Variants in PLEKHM3 observed in about 807,000 individuals in gnomAD.
The protein encoded by PLEKHM3 is pleckstrin homology domain containing M3.
Under a neutral mutation model 81.8 loss-of-function variants are expected in PLEKHM3, and 45 were observed. The observed-to-expected ratio is 0.55, with a 90% CI of 0.43 to 0.71. PLEKHM3 has a LOEUF of 0.71. Ranked by LOEUF, PLEKHM3 falls within the 30% of genes least tolerant of loss-of-function variation. The probability of loss-of-function intolerance (pLI) is 0.00; values close to 1 mark genes in which losing one functional copy is unlikely to be tolerated. For missense variants in PLEKHM3, 788 were observed against 924.3 expected (o/e 0.85, Z 1.91); for synonymous variants, 352 against 356.4 (o/e 0.99, Z 0.14).
intron 7 of PLEKHM3, among the ~76,000 whole-genome samples, chr2:207,835,789 C>T (rs967672128): frequency 6.6e-6 from 1 of 152,184 alleles, no homozygotes; most frequent in Non-Finnish European, 1.5e-5. Context: ...ATTAAGGGTT[C>T]CTTTTTTAGC....
chr2:207,824,818 A>G lies in PLEKHM3; in HGVS notation c.*3501T>C, dbSNP rs569655255. 3 of 152,330 alleles carry G rather than the reference A, an allele frequency of 2.0e-5. No individual in the cohort carries two copies. Among genetic ancestry groups the G allele is most frequent in the African/African-American group, 4.8e-5 (2 of 41,580 alleles). 9.4% of individuals were successfully genotyped at this position (152,330 alleles called of 1,614,324 possible). A position where few individuals can be genotyped will look rare whatever the true frequency, so the allele number is the denominator to read the frequency against. Reference sequence around the variant, plus strand: ...CACCTCGGATCTCACTGCAGCCGGAAGGAAGTCACGGCATAGTCCCTTTTC... The same window carrying G: ...CACCTCGGATCTCACTGCAGCCGGAGGGAAGTCACGGCATAGTCCCTTTTC... On this transcript the variant is annotated 3_prime_UTR_variant, in exon 8 of 8. Transcript: ENST00000427836.
In PLEKHM3 at chr2:208,023,548, G is replaced by T. The variant is rs956568612; in HGVS notation, c.-319+1841C>A. Among the ~76,000 whole-genome samples, 6 of 152,154 alleles carry T rather than the reference G, an allele frequency of 3.9e-5. No individual in the cohort carries two copies. The South Asian group carries it at 8.3e-4, about 21-fold the overall frequency. ...GCTGTTTGAGCTCCGCCTCCTGTCA[G>T]ATCGGCAGCAGCATTAGATTCTCAT... On this transcript the variant is annotated intron_variant, in intron 1 of 7. Transcript: ENST00000427836.
At chr2:207,869,963 T>C (rs1225439127) in intron 6 of PLEKHM3, 1 of 152,244 alleles carries the variant, frequency 6.6e-6, no homozygotes, top group Non-Finnish European at 1.5e-5. Flanking sequence ...CAGACTTTAT[T>C]TGATTTACTT....
intron 6 of PLEKHM3, among the ~76,000 whole-genome samples, chr2:207,871,813 T>A (rs1287691410): frequency 6.6e-6 from 1 of 152,244 alleles, no homozygotes; most frequent in East Asian, 1.9e-4. Flanking sequence ...GTTTTATTTA[T>A]GAGGAAAATA....
At chr2:207,904,740 T>C (rs1177598631) in intron 6 of PLEKHM3, among the ~76,000 whole-genome samples, 3 of 152,188 alleles carry the variant, frequency 2.0e-5, no homozygotes, top group East Asian at 1.9e-4. Context: ...ATTCAAATAA[T>C]GAGAAGGGGG....
At chr2:207,876,283 T>C (rs1389223289) in intron 6 of PLEKHM3, among the ~76,000 whole-genome samples, 1 of 152,084 alleles carries the variant, frequency 6.6e-6, no homozygotes, top group East Asian at 1.9e-4. Context: ...ATTTAAATTG[T>C]TAAAAAAAAA....
intron 3 of PLEKHM3, among the ~76,000 whole-genome samples, chr2:207,962,724 T>C (rs562993675): frequency 6.6e-5 from 10 of 152,220 alleles, no homozygotes; most frequent in African/African-American, 1.9e-4. Flanking sequence ...CAGTATCTAA[T>C]TGGAGTTGAA....
chr2:207,921,900 A>G (rs1689194716), intron 5 of PLEKHM3, among the ~76,000 whole-genome samples: 1 of 152,182 alleles, frequency 6.6e-6, no homozygotes, highest in Non-Finnish European at 1.5e-5. Context: ...TTCTTTGTCC[A>G]TTTGATGGAC....
intron 1 of PLEKHM3, among the ~76,000 whole-genome samples, chr2:208,006,343 T>C (rs961736628): frequency 6.6e-6 from 1 of 152,200 alleles, no homozygotes; most frequent in Admixed American, 6.5e-5. Flanking sequence ...AAAGGGGACC[T>C]TCCTCTGACA....
chr2:207,865,672 C>T (rs772565721), intron 6 of PLEKHM3, among the ~76,000 whole-genome samples: 1 of 147,356 alleles, frequency 6.8e-6, no homozygotes, highest in Non-Finnish European at 1.5e-5. Flanking sequence ...CGCAGCTACT[C>T]GGGAAGCTAA....
chr2:207,967,014 C>T (rs1005587971), intron 3 of PLEKHM3, among the ~76,000 whole-genome samples: 7 of 152,086 alleles, frequency 4.6e-5, no homozygotes, highest in African/African-American at 1.7e-4. Context: ...GACAGGATCT[C>T]ACTCTGTCAC....
intron 3 of PLEKHM3, among the ~76,000 whole-genome samples, chr2:207,967,816 C>G (rs1293302552): frequency 6.6e-6 from 1 of 152,260 alleles, no homozygotes; most frequent in Admixed American, 6.5e-5. Flanking sequence ...TATTTTCTTA[C>G]ATCTGATCAA....
At chr2:207,970,765 G>A (rs892032314) in intron 3 of PLEKHM3, among the ~76,000 whole-genome samples, 1 of 152,166 alleles carries the variant, frequency 6.6e-6, no homozygotes, top group African/African-American at 2.4e-5. Flanking sequence ...CACAATGCCG[G>A]TAATTACAGG....
chr2:207,930,096 T>C (rs1403176214), intron 5 of PLEKHM3, among the ~76,000 whole-genome samples: 1 of 152,324 alleles, frequency 6.6e-6, no homozygotes, highest in East Asian at 1.9e-4. Flanking sequence ...AGCAGGCACA[T>C]TTTACTTTCA....
At chr2:207,943,867 CAAAAAAAAAAAAAA>C (rs66843432) in intron 4 of PLEKHM3, among the ~76,000 whole-genome samples, 5 of 75,770 alleles carry the variant, frequency 6.6e-5, no homozygotes, top group Non-Finnish European at 1.2e-4. Context: ...GACTCCGTCT[CAAAAAAAAAAAAAA>C]AAAAAAAAAA....
rs569151455 is a variant in PLEKHM3, at chr2:208,014,130, A to G, written c.-319+11259T>C. Among the ~76,000 whole-genome samples the G allele has an allele frequency of 1.9e-4, 29 of 152,332 alleles. No individual in the cohort carries two copies. The South Asian group carries it at 5.6e-3, about 29-fold the overall frequency. On this transcript the variant is annotated intron_variant, in intron 1 of 7. Coordinates refer to ENST00000427836, the MANE Select transcript of PLEKHM3 (RefSeq NM_001080475.3). ...CTTTTGGACTTAATCTGTGACAACA[A>G]CCTTGGCTACCAATCAGCCTCTTAA...
rs939774438 is a variant in PLEKHM3, at chr2:207,826,677, T to TG, written c.*1641dup. On this transcript the variant is annotated 3_prime_UTR_variant, in exon 8 of 8. Transcript: ENST00000427836. ...CTAGATGGATGGAAGTATCATGAGT[T>TG]GGGGTCTTGGGGAAGCGGCGTGTGG... The TG allele has an allele frequency of 3.3e-5, 5 of 152,286 alleles. No homozygotes were observed. Among genetic ancestry groups the TG allele is most frequent in the African/African-American group, 1.2e-4 (5 of 41,548 alleles). The allele number at this position is 152,286 out of a possible 1,614,324, so 9.4% of individuals were successfully genotyped here. A position where few individuals can be genotyped will look rare whatever the true frequency, so the allele number is the denominator to read the frequency against.
intron 4 of PLEKHM3, among the ~76,000 whole-genome samples, chr2:207,941,531 T>C (rs994360852): frequency 2.6e-5 from 4 of 152,140 alleles, no homozygotes; most frequent in Admixed American, 6.5e-5. Flanking sequence ...GAAGGAAGCA[T>C]TGAAAAAATG....
chr2:207,987,258 A>C (rs3795912), intron 2 of PLEKHM3, among the ~76,000 whole-genome samples: 95,834 of 151,772 alleles, frequency 0.63, 31,647 homozygotes, highest in Non-Finnish European at 0.73. Flanking sequence ...AACCATTCAA[A>C]CACCTACCAG....
Sources: allele counts gnomAD v4.1 joint callset (sites outside exome capture counted in the v4.1 genomes callset), GRCh38; gene constraint gnomAD v4.1.1; transcripts MANE v1.5; gene names NCBI Gene and HGNC (gene_info 2026-07-23, HGNC 2026-07-21).